The following KCNAB1 variants were observed in gnomAD, a reference collection of about 807,000 sequenced individuals.
KCNAB1 encodes the protein voltage-gated potassium channel subunit beta-1.
A neutral mutation model predicts 64.6 loss-of-function variants in KCNAB1; 35 were observed. The ratio of observed to expected loss-of-function variants is 0.54; its 90% confidence interval spans 0.41 to 0.72. The LOEUF is 0.72. Ranked by LOEUF, KCNAB1 falls within the 30% of genes least tolerant of loss-of-function variation. The pLI is 0.00. For missense variants in KCNAB1, 401 were observed against 512.9 expected (o/e 0.78, Z 2.11); for synonymous variants, 177 against 183.8 (o/e 0.96, Z 0.30).
chr3:156,524,603 C>T (rs557144437), intron 12 of KCNAB1, among the ~76,000 whole-genome samples: 2 of 151,772 alleles, frequency 1.3e-5, no homozygotes, highest in East Asian at 1.9e-4. Flanking sequence ...AAAAATTAGC[C>T]GGGCGTGGTG....
intron 1 of KCNAB1, among the ~76,000 whole-genome samples, chr3:156,412,386 C>T (rs1182927801): frequency 6.6e-6 from 1 of 152,022 alleles, no homozygotes; most frequent in African/African-American, 2.4e-5. Flanking sequence ...TGTACTATGA[C>T]AGTGAATAAG....
At position 156,120,735 on chromosome 3, in the gene KCNAB1, G is replaced by T. The variant is rs1178932639; in HGVS notation, c.124G>T (p.Ala42Ser). The change falls in exon 1 of 14, where the codon GCT (alanine) becomes TCT (serine). Residue 42 changes from alanine (A) to serine (S), a missense_variant. By Grantham distance (99) the Ala-to-Ser change is moderately conservative (BLOSUM62 1). Coordinates refer to ENST00000490337, the MANE Select transcript of KCNAB1 (RefSeq NM_172160.3). ...DKSPKKASEN[A>S]KDSSLSPSGE... ...ATCTCCCAAGAAAGCCTCAGAAAAC[G>T]CTAAAGACAGCAGCCTTAGTCCCTC... The T allele has an allele frequency of 6.2e-7, 1 of 1,614,240 alleles. No homozygotes were observed.
intron 1 of KCNAB1, among the ~76,000 whole-genome samples, chr3:156,270,059 G>A (rs1718936310): frequency 6.6e-6 from 1 of 152,068 alleles, no homozygotes; most frequent in Admixed American, 6.5e-5. Flanking sequence ...GGGACTACAG[G>A]TGCCTGCCAC....
At chr3:156,536,532 G>T in intron 13 of KCNAB1, 126 bp from the exon 14 acceptor site, 1 of 709,524 alleles carries the variant, frequency 1.4e-6, no homozygotes, top group Non-Finnish European at 2.5e-6. Context: ...GGGGCGGGGG[G>T]CTTAGATTTC....
intron 1 of KCNAB1, among the ~76,000 whole-genome samples, chr3:156,393,220 G>T (rs548762207): frequency 6.6e-6 from 1 of 152,286 alleles, no homozygotes; most frequent in Non-Finnish European, 1.5e-5. Flanking sequence ...CAAGGAGACT[G>T]CCTTAAAGGA....
intron 1 of KCNAB1, among the ~76,000 whole-genome samples, chr3:156,339,009 A>C (rs548062141): frequency 8.8e-4 from 134 of 152,326 alleles, no homozygotes; most frequent in Non-Finnish European, 1.6e-3. Context: ...ATTCCCAGGA[A>C]AGGCAAATTA....
At chr3:156,352,848 G>A (rs1490872688) in intron 1 of KCNAB1, among the ~76,000 whole-genome samples, 1 of 152,212 alleles carries the variant, frequency 6.6e-6, no homozygotes, top group Admixed American at 6.5e-5. Flanking sequence ...CCTGTTTCCT[G>A]GCAGACCTCT....
At chr3:156,337,852 G>A (rs1012248017) in intron 1 of KCNAB1, among the ~76,000 whole-genome samples, 3 of 152,142 alleles carry the variant, frequency 2.0e-5, no homozygotes, top group Non-Finnish European at 2.9e-5. Context: ...TAGCAATAAA[G>A]CATGTTTGAT....
chr3:156,285,741 A>G (rs891890299), intron 1 of KCNAB1, among the ~76,000 whole-genome samples: 1 of 137,118 alleles, frequency 7.3e-6, no homozygotes, highest in Admixed American at 6.8e-5. Context: ...GAGCTCAGTC[A>G]ATCCACCTAA....
intron 1 of KCNAB1, among the ~76,000 whole-genome samples, chr3:156,172,121 A>G (rs77750200): frequency 6.6e-6 from 1 of 152,276 alleles, no homozygotes; most frequent in South Asian, 2.1e-4. Context: ...TAAACTTGTC[A>G]ATTTTCTTCG....
At chr3:156,175,828 C>A in intron 1 of KCNAB1, 1 of 642,586 alleles carries the variant, frequency 1.6e-6, no homozygotes, top group South Asian at 1.5e-5. Flanking sequence ...TCTGAGGTCT[C>A]AAAGACAAGT....
At chr3:156,375,564 T>A (rs1371091221) in intron 1 of KCNAB1, among the ~76,000 whole-genome samples, 1 of 135,450 alleles carries the variant, frequency 7.4e-6, no homozygotes, top group Non-Finnish European at 1.5e-5. Context: ...AAATGGTGTT[T>A]GGTCTCAGAG....
At chr3:156,183,195 G>T (rs1712981764) in intron 1 of KCNAB1, among the ~76,000 whole-genome samples, 1 of 152,110 alleles carries the variant, frequency 6.6e-6, no homozygotes, top group South Asian at 2.1e-4. Context: ...TGGAGTTGGG[G>T]CATAGAGAAC....
At chr3:156,424,997 G>A (rs1029862469) in intron 2 of KCNAB1, among the ~76,000 whole-genome samples, 4 of 152,156 alleles carry the variant, frequency 2.6e-5, no homozygotes, top group African/African-American at 9.7e-5. Context: ...CACTCTTTCA[G>A]AACTTTTTTG....
rs575598969 is a variant in KCNAB1 at position 156,259,542 on chromosome 3, TG to T, written c.275+138657del. ...AAGGGCTGGGAGAAACAAACACTCC[TG>T]AACTTGCTGTTTCAAGGTAACCCAT... On this transcript the variant is annotated intron_variant, in intron 1 of 13. Transcript: ENST00000490337. Among the ~76,000 whole-genome samples the T allele has an allele frequency of 3.0e-3, 459 of 152,318 alleles. 5 individuals are homozygous for T. The highest frequency in any genetic ancestry group is 4.6e-3 in the Non-Finnish European group (311 of 68,016).
intron 12 of KCNAB1, among the ~76,000 whole-genome samples, chr3:156,529,400 A>G (rs1451663467): frequency 2.6e-5 from 4 of 152,162 alleles, no homozygotes; most frequent in Non-Finnish European, 5.9e-5. Context: ...CACCTTAAAA[A>G]TGATGGTTGG....
At chr3:156,259,893 ACT>A (rs1718326734) in intron 1 of KCNAB1, among the ~76,000 whole-genome samples, 1 of 152,112 alleles carries the variant, frequency 6.6e-6, no homozygotes, top group Non-Finnish European at 1.5e-5. Context: ...GCCATTCTCC[ACT>A]ATTGCTGCTC....
intron 1 of KCNAB1, chr3:156,273,451 G>T (rs1719153991): frequency 2.6e-6 from 1 of 379,194 alleles, no homozygotes; most frequent in Non-Finnish European, 5.4e-6. Flanking sequence ...CCTTCTGTGG[G>T]CATTGGCTGA....
At chr3:156,365,503 G>T (rs959740914) in intron 1 of KCNAB1, among the ~76,000 whole-genome samples, 3 of 152,098 alleles carry the variant, frequency 2.0e-5, no homozygotes, top group African/African-American at 4.8e-5. Context: ...CTCCTAGCTT[G>T]TTGCACCCCC....
Sources: allele counts gnomAD v4.1 joint callset (sites outside exome capture counted in the v4.1 genomes callset), GRCh38; gene constraint gnomAD v4.1.1; transcripts MANE v1.5; gene names NCBI Gene and HGNC (gene_info 2026-07-23, HGNC 2026-07-21).